The following MGAT4C variants were observed in gnomAD, a reference collection of about 807,000 sequenced individuals.
MGAT4C encodes alpha-1,3-mannosyl-glycoprotein 4-beta-N-acetylglucosaminyltransferase C.
MGAT4C carries 19 observed loss-of-function variants against 40.1 expected under a neutral mutation model. That is an observed-to-expected ratio of 0.47 (90% CI 0.33 to 0.70). The LOEUF is 0.70. MGAT4C is among the 30% of genes least tolerant of loss of function. MGAT4C has a pLI of 0.02. For missense variants in MGAT4C, 491 were observed against 563.2 expected (o/e 0.87, Z 1.30); for synonymous variants, 181 against 187.1 (o/e 0.97, Z 0.27).
intron 3 of MGAT4C, among the ~76,000 whole-genome samples, chr12:86,404,629 T>C (rs1250783790): frequency 6.6e-6 from 1 of 152,104 alleles, no homozygotes; most frequent in African/African-American, 2.4e-5. Context: ...AGTACTGTGA[T>C]AGAAGGAATT....
At chr12:86,395,968 A>C (rs1426993202) in intron 3 of MGAT4C, among the ~76,000 whole-genome samples, 1 of 152,144 alleles carries the variant, frequency 6.6e-6, no homozygotes, top group Non-Finnish European at 1.5e-5. Flanking sequence ...TATTTAGTAT[A>C]ATTTCCTTTA....
intron 1 of MGAT4C, among the ~76,000 whole-genome samples, chr12:86,073,653 AT>A (rs1329182048): frequency 6.6e-6 from 1 of 151,936 alleles, no homozygotes; most frequent in Non-Finnish European, 1.5e-5. Flanking sequence ...ACTCCACTGG[AT>A]TTTGGACTTG....
At chr12:86,811,424 T>C (rs1303930581) in intron 1 of MGAT4C, among the ~76,000 whole-genome samples, 1 of 146,876 alleles carries the variant, frequency 6.8e-6, no homozygotes, top group Non-Finnish European at 1.5e-5. Context: ...CTCACTTCAA[T>C]CTCCACCTCC....
At chr12:86,040,971 C>T (rs549888307) in intron 2 of MGAT4C, among the ~76,000 whole-genome samples, 19 of 152,218 alleles carry the variant, frequency 1.2e-4, no homozygotes, top group Middle Eastern at 3.4e-3. Flanking sequence ...GGTGAGGCGA[C>T]GCCCCACCCT....
At chr12:86,595,258 T>C (rs1961488424) in intron 2 of MGAT4C, among the ~76,000 whole-genome samples, 1 of 152,108 alleles carries the variant, frequency 6.6e-6, no homozygotes, top group Non-Finnish European at 1.5e-5. Flanking sequence ...ACTGATCATC[T>C]ATTGGCCAGG....
At position 85,961,167 on chromosome 12, in the gene MGAT4C, T is replaced by C. The variant is rs890619089; in HGVS notation, c.*18122A>G. 1 of 151,958 alleles carries C rather than the reference T, an allele frequency of 6.6e-6. No individual in the cohort carries two copies. Among genetic ancestry groups the C allele is most frequent in the African/African-American group, 2.4e-5 (1 of 41,454 alleles). The allele number at this position is 151,958 out of a possible 1,614,324, so 9.4% of individuals were successfully genotyped here. ...CTCCTTCAGTCAGATTTATAAAGTA[T>C]GACCTATAGCATCCAACTCCATCAT... On this transcript the variant is annotated 3_prime_UTR_variant, in exon 5 of 5. Coordinates refer to ENST00000611864, the MANE Select transcript of MGAT4C (RefSeq NM_001351288.2).
At chr12:86,583,799 G>T (rs1960891680) in intron 2 of MGAT4C, among the ~76,000 whole-genome samples, 1 of 151,020 alleles carries the variant, frequency 6.6e-6, no homozygotes, top group Non-Finnish European at 1.5e-5. Flanking sequence ...CTGTCCTTCA[G>T]TGTGGGAAAT....
At chr12:85,981,735 T>C (rs1884624157) in intron 4 of MGAT4C, among the ~76,000 whole-genome samples, 1 of 152,184 alleles carries the variant, frequency 6.6e-6, no homozygotes, top group Non-Finnish European at 1.5e-5. Flanking sequence ...TAAGTCACGG[T>C]GAGATGAGGT....
intron 2 of MGAT4C, among the ~76,000 whole-genome samples, chr12:86,700,502 A>G (rs1950342714): frequency 6.6e-6 from 1 of 152,110 alleles, no homozygotes; most frequent in Non-Finnish European, 1.5e-5. Flanking sequence ...CCTTAACCTA[A>G]TAACTCTCAA....
At chr12:86,283,528 A>G (rs1031186837) in intron 4 of MGAT4C, among the ~76,000 whole-genome samples, 1 of 152,084 alleles carries the variant, frequency 6.6e-6, no homozygotes, top group African/African-American at 2.4e-5. Flanking sequence ...TCCACAATGG[A>G]ACAAGTTTGG....
At chr12:86,133,457 A>G (rs1881526634) in intron 1 of MGAT4C, among the ~76,000 whole-genome samples, 1 of 152,210 alleles carries the variant, frequency 6.6e-6, no homozygotes, top group African/African-American at 2.4e-5. Flanking sequence ...ATTTAAGATC[A>G]GTTTGATAAT....
At chr12:86,771,527 T>TA (rs1267032867) in intron 1 of MGAT4C, among the ~76,000 whole-genome samples, 1 of 152,014 alleles carries the variant, frequency 6.6e-6, no homozygotes, top group African/African-American at 2.4e-5. Context: ...TCTATCCTCT[T>TA]AAAAAATATA....
At chr12:86,008,141 AATCT>A (rs1291254732) in intron 2 of MGAT4C, among the ~76,000 whole-genome samples, 1 of 152,098 alleles carries the variant, frequency 6.6e-6, no homozygotes, top group East Asian at 1.9e-4. Context: ...TGACAAAAAC[AATCT>A]AGAATTTTTA....
At chr12:86,507,260 T>G (rs1958487030) in intron 2 of MGAT4C, among the ~76,000 whole-genome samples, 1 of 152,202 alleles carries the variant, frequency 6.6e-6, no homozygotes, top group Admixed American at 6.5e-5. Flanking sequence ...AGTCTACTAT[T>G]ATTCATCTAA....
intron 1 of MGAT4C, among the ~76,000 whole-genome samples, chr12:86,743,413 T>C (rs1335460609): frequency 6.6e-6 from 1 of 151,608 alleles, no homozygotes; most frequent in Non-Finnish European, 1.5e-5. Flanking sequence ...TAAAAGATAA[T>C]GTATCCCAGG....
At chr12:86,532,926 G>A (rs1363893801) in intron 2 of MGAT4C, among the ~76,000 whole-genome samples, 1 of 151,976 alleles carries the variant, frequency 6.6e-6, no homozygotes, top group Non-Finnish European at 1.5e-5. Context: ...GACAATTACA[G>A]AGACGATTTA....
intron 2 of MGAT4C, among the ~76,000 whole-genome samples, chr12:86,525,450 T>A (rs777003781): frequency 5.3e-5 from 8 of 152,210 alleles, no homozygotes; most frequent in East Asian, 1.9e-4. Context: ...CTACAAGCTA[T>A]CTCAGCCCAG....
intron 2 of MGAT4C, among the ~76,000 whole-genome samples, chr12:86,467,544 T>G (rs777951167): frequency 1.3e-5 from 2 of 152,172 alleles, no homozygotes; most frequent in Non-Finnish European, 2.9e-5. Context: ...AACAAAGGGT[T>G]AAACTAATTC....
intron 4 of MGAT4C, among the ~76,000 whole-genome samples, chr12:86,269,077 C>G (rs535775965): frequency 7.4e-6 from 1 of 134,354 alleles, no homozygotes; most frequent in South Asian, 2.4e-4. Flanking sequence ...TCTTTTAATT[C>G]TCACACTATG....
Sources: gnomAD v4.1 joint callset for allele counts (sites outside exome capture counted in the v4.1 genomes callset) on GRCh38, gnomAD v4.1.1 for gene constraint, MANE v1.5 for transcripts, NCBI Gene and HGNC (gene_info 2026-07-23, HGNC 2026-07-21) for gene names.